The following ADORA2B variants were observed in gnomAD, a reference collection of about 807,000 sequenced individuals.
ADORA2B encodes adenosine A2b receptor.
Under a neutral mutation model 20.8 loss-of-function variants are expected in ADORA2B, and 18 were observed. That is an observed-to-expected ratio of 0.87 (90% CI 0.60 to 1.29). ADORA2B has a LOEUF of 1.29. Among genes scored for constraint, ADORA2B ranks in the 50% most tolerant of loss-of-function variants. The pLI is 0.00. For missense variants in ADORA2B, 441 were observed against 422.7 expected (o/e 1.04, Z -0.38); for synonymous variants, 179 against 178.3 (o/e 1.00, Z -0.03).
chr17:15,945,184 C>G lies in ADORA2B; in HGVS notation c.-65C>G. On this transcript the variant is annotated 5_prime_UTR_variant, in exon 1 of 2. Transcript: ENST00000304222. ...CGCTATGGCCATGCCCGGCGGGTCT[C>G]ACGCGGCTGCCCCTCGCCCGGCGCG... 2 of 1,335,656 alleles carry G rather than the reference C, an allele frequency of 1.5e-6. No individual in the cohort carries two copies. The highest frequency in any genetic ancestry group is 3.6e-5 in the South Asian group (2 of 55,704). 82.7% of individuals were successfully genotyped at this position (1,335,656 alleles called of 1,614,324 possible).
intron 1 of ADORA2B, among the ~76,000 whole-genome samples, chr17:15,965,796 C>A (rs1403682433): frequency 6.6e-6 from 1 of 152,264 alleles, no homozygotes; most frequent in African/African-American, 2.4e-5. Flanking sequence ...CCGTGGCAGG[C>A]TACGCTGCCT....
chr17:15,896,783 G>A, the ADORA2B span, among the ~76,000 whole-genome samples: 3 of 152,158 alleles, frequency 2.0e-5, no homozygotes, highest in Non-Finnish European at 2.9e-5. Context: ...CACCTGCAGG[G>A]CAGGAAGAAG....
the ADORA2B span, among the ~76,000 whole-genome samples, chr17:15,935,916 G>T: frequency 1.3e-5 from 2 of 149,648 alleles, no homozygotes; most frequent in Non-Finnish European, 3.0e-5. Context: ...GCCCAGGCTG[G>T]AGGGTGGTGT....
chr17:15,862,336 C>T, the ADORA2B span, among the ~76,000 whole-genome samples: 4 of 151,196 alleles, frequency 2.6e-5, no homozygotes, highest in East Asian at 7.8e-4. Context: ...ATGCCTCAGC[C>T]TCCTGAGTAG....
chr17:15,895,928 C>T, the ADORA2B span, among the ~76,000 whole-genome samples: 1 of 152,180 alleles, frequency 6.6e-6, no homozygotes, highest in Non-Finnish European at 1.5e-5. Flanking sequence ...AACCAAGGCT[C>T]ACAACATGCT....
At chr17:15,862,199 T>C in the ADORA2B span, among the ~76,000 whole-genome samples, 2 of 130,894 alleles carry the variant, frequency 1.5e-5, no homozygotes, top group African/African-American at 6.6e-5. Context: ...TCTTTTTCTT[T>C]TCTTTTCTTT....
the ADORA2B span, among the ~76,000 whole-genome samples, chr17:15,868,753 C>T: frequency 1.1e-5 from 1 of 93,168 alleles, no homozygotes; most frequent in Non-Finnish European, 2.8e-5. Context: ...GCACTCCAGC[C>T]TGGGCGACAG....
chr17:15,960,798 T>C (rs1597426806), intron 1 of ADORA2B, among the ~76,000 whole-genome samples: 1 of 135,790 alleles, frequency 7.4e-6, no homozygotes, highest in Admixed American at 7.6e-5. Context: ...ATGGCGTGAG[T>C]CCAGGAGACA....
the ADORA2B span, among the ~76,000 whole-genome samples, chr17:15,860,519 G>A: frequency 6.6e-6 from 1 of 152,070 alleles, no homozygotes; most frequent in African/African-American, 2.4e-5. Flanking sequence ...CCTGGGGGCA[G>A]GTAATGTCTT....
intron 1 of ADORA2B, among the ~76,000 whole-genome samples, chr17:15,955,458 G>A (rs1306118255): frequency 1.3e-5 from 2 of 149,494 alleles, no homozygotes; most frequent in Non-Finnish European, 2.9e-5. Context: ...CAGTGCAGTG[G>A]CACGATCTGG....
chr17:15,886,587 C>A, the ADORA2B span, among the ~76,000 whole-genome samples: 1 of 130,342 alleles, frequency 7.7e-6, no homozygotes, highest in African/African-American at 3.3e-5. Context: ...GTGGGTGACT[C>A]CACGAGGAGA....
chr17:15,870,227 A>G, the ADORA2B span, among the ~76,000 whole-genome samples: 1 of 147,502 alleles, frequency 6.8e-6, no homozygotes, highest in Non-Finnish European at 1.5e-5. Context: ...AGATGAAGAT[A>G]TATATTAGGT....
Position 15,959,720 on chromosome 17 carries a change from T to A in ADORA2B, c.335+14137T>A, listed in dbSNP as rs539028067. Among the ~76,000 whole-genome samples, 22 of 152,308 alleles carry A rather than the reference T, an allele frequency of 1.4e-4. No individual in the cohort carries two copies. The South Asian group carries it at 3.5e-3, about 24-fold the overall frequency. On this transcript the variant is annotated intron_variant, in intron 1 of 1. Transcript: ENST00000304222. ...TTTGCCATGTTGGCCAGGCTGGTCG[T>A]GAATTCCTGACCTCAGGTGATCCAC...
At chr17:15,912,250 C>G in the ADORA2B span, among the ~76,000 whole-genome samples, 5 of 148,756 alleles carry the variant, frequency 3.4e-5, no homozygotes, top group African/African-American at 1.2e-4. Flanking sequence ...CCTGGTGGCA[C>G]ATGCTTGTAG....
rs1242029330 is a variant in ADORA2B, at chr17:15,947,960, G to A, written c.335+2377G>A. On this transcript the variant is annotated intron_variant, in intron 1 of 1. Transcript: ENST00000304222. ...GACTGACACAGGCTGGGTGCATGGC[G>A]CCCCAAGCACTGACTTGGCCCTGAG... Among the ~76,000 whole-genome samples, 6 of 152,162 alleles carry A rather than the reference G, an allele frequency of 3.9e-5. No individual in the cohort carries two copies. The East Asian group carries it at 1.2e-3, about 29-fold the overall frequency.
upstream of ADORA2B, among the ~76,000 whole-genome samples, chr17:15,940,320 G>C (rs1969732842): frequency 1.3e-5 from 2 of 152,232 alleles, no homozygotes; most frequent in South Asian, 4.1e-4. Flanking sequence ...ACTGAGCAGA[G>C]ACTGAGGAGC....
chr17:15,867,906 A>G, the ADORA2B span, among the ~76,000 whole-genome samples: 1 of 152,056 alleles, frequency 6.6e-6, no homozygotes, highest in African/African-American at 2.4e-5. Flanking sequence ...TCATGATGAC[A>G]ATGGCGGTTT....
the ADORA2B span, among the ~76,000 whole-genome samples, chr17:15,899,269 C>T: frequency 6.6e-6 from 1 of 151,730 alleles, no homozygotes; most frequent in African/African-American, 2.4e-5. Context: ...TTATACATGA[C>T]ACTTTTAAAC....
At chr17:15,876,498 C>T in the ADORA2B span, among the ~76,000 whole-genome samples, 12 of 137,250 alleles carry the variant, frequency 8.7e-5, no homozygotes, top group South Asian at 2.4e-4. Context: ...CCTTTCAATA[C>T]AGTAATTCAT....
Sources: gnomAD v4.1 joint callset for allele counts (sites outside exome capture counted in the v4.1 genomes callset) on GRCh38, gnomAD v4.1.1 for gene constraint, MANE v1.5 for transcripts, NCBI Gene and HGNC (gene_info 2026-07-23, HGNC 2026-07-21) for gene names.